Variants in PCDH9 observed in about 807,000 individuals in gnomAD.
PCDH9 encodes protocadherin-9.
PCDH9 carries 24 observed loss-of-function variants against 70.6 expected under a neutral mutation model. That is an observed-to-expected ratio of 0.34 (90% CI 0.25 to 0.48). The LOEUF is 0.48. Ranked by LOEUF, PCDH9 falls within the 20% of genes least tolerant of loss-of-function variation. PCDH9 has a pLI of 0.99. For missense variants in PCDH9, 1,281 were observed against 1,503.6 expected (o/e 0.85, Z 2.45); for synonymous variants, 562 against 558.5 (o/e 1.01, Z -0.09).
chr13:66,688,604 T>C (rs1252614981), intron 3 of PCDH9, among the ~76,000 whole-genome samples: 2 of 152,154 alleles, frequency 1.3e-5, no homozygotes, highest in Non-Finnish European at 1.5e-5. Flanking sequence ...AGAGTTACCT[T>C]CCTTTGTGAT....
chr13:66,472,764 C>T (rs1013254524), intron 4 of PCDH9, among the ~76,000 whole-genome samples: 2 of 152,006 alleles, frequency 1.3e-5, no homozygotes, highest in African/African-American at 4.8e-5. Context: ...CCAAGCCTGT[C>T]TTTATTTTAG....
intron 2 of PCDH9, among the ~76,000 whole-genome samples, chr13:67,147,263 A>T (rs959453975): frequency 6.6e-6 from 1 of 152,218 alleles, no homozygotes; most frequent in Non-Finnish European, 1.5e-5. Flanking sequence ...TCATTTTTCA[A>T]ATGAGAGATA....
intron 4 of PCDH9, among the ~76,000 whole-genome samples, chr13:66,601,161 T>C (rs1358372998): frequency 6.9e-6 from 1 of 145,900 alleles, no homozygotes; most frequent in Non-Finnish European, 1.5e-5. Flanking sequence ...CTTTAGACTA[T>C]AGCTATGGGC....
intron 4 of PCDH9, among the ~76,000 whole-genome samples, chr13:66,430,005 G>T (rs931460203): frequency 6.6e-6 from 1 of 152,046 alleles, no homozygotes; most frequent in Non-Finnish European, 1.5e-5. Context: ...AGCCAAAAGA[G>T]CTCTCTTGTA....
chr13:66,441,351 A>C (rs2138401978), intron 4 of PCDH9, among the ~76,000 whole-genome samples: 1 of 152,318 alleles, frequency 6.6e-6, no homozygotes, highest in African/African-American at 2.4e-5. Context: ...TGAAAATTTA[A>C]GAGATCTGTC....
At chr13:66,686,821 C>T (rs1031854293) in intron 3 of PCDH9, among the ~76,000 whole-genome samples, 1 of 152,012 alleles carries the variant, frequency 6.6e-6, no homozygotes, top group African/African-American at 2.4e-5. Context: ...CTGGGCAGGG[C>T]ACAGGACTAG....
chr13:66,482,224 C>G (rs891530296), intron 4 of PCDH9, among the ~76,000 whole-genome samples: 2 of 152,188 alleles, frequency 1.3e-5, no homozygotes, highest in African/African-American at 4.8e-5. Context: ...GGAGCTGGGT[C>G]TCAAAAATGT....
intron 3 of PCDH9, chr13:66,782,605 A>G (rs528797017): frequency 6.6e-6 from 1 of 152,294 alleles, no homozygotes; most frequent in East Asian, 1.9e-4. Flanking sequence ...GGCATATAAG[A>G]TTCAATTAAT....
chr13:67,226,948 C>G lies in PCDH9; in HGVS notation c.1493G>C (p.Ser498Thr), dbSNP rs2089891082. 6.2e-7 allele frequency: 1 copy of G among 1,614,070 alleles called. No homozygotes were observed. The highest frequency in any genetic ancestry group is 1.3e-5 in the African/African-American group (1 of 74,930). ...ATAAACAATGTCTGCATTTTTCCCA[C>G]TGTCTTCATCTGTGGCACTAATAGT... Reference protein sequence around the residue: ...LTTISATDEDSGKNADIVYQL... With the variant: ...LTTISATDEDTGKNADIVYQL... The change falls in exon 2 of 5, where the codon AGT becomes ACT. Residue 498 changes from serine to threonine, a missense_variant. Around this residue, in one of 4 missense-constraint regions of PCDH9, gnomAD observed 798 missense variants for 1,003.1 expected, o/e 0.80. Coordinates refer to ENST00000377865, the MANE Select transcript of PCDH9 (RefSeq NM_203487.3). This position sits in a 1 kb window ranked among gnomAD's most constrained non-coding sequence, Gnocchi z 5.0.
At chr13:66,419,405 C>T (rs796361963) in intron 4 of PCDH9, among the ~76,000 whole-genome samples, 39 of 152,016 alleles carry the variant, frequency 2.6e-4, no homozygotes, top group African/African-American at 7.5e-4. Flanking sequence ...CAGCTCCCAG[C>T]GAGACAAACC....
intron 4 of PCDH9, among the ~76,000 whole-genome samples, chr13:66,498,740 T>C (rs1284730195): frequency 6.6e-6 from 1 of 152,134 alleles, no homozygotes; most frequent in Non-Finnish European, 1.5e-5. Flanking sequence ...AATGTACTGT[T>C]GATGTGGTAT....
At chr13:66,361,356 G>A (rs1956467907) in intron 4 of PCDH9, among the ~76,000 whole-genome samples, 1 of 152,132 alleles carries the variant, frequency 6.6e-6, no homozygotes. Context: ...TGAATTAAAT[G>A]TGGGTAAATA....
chr13:67,204,689 A>T (rs2089297151), intron 2 of PCDH9: 1 of 152,188 alleles, frequency 6.6e-6, no homozygotes, highest in South Asian at 2.1e-4. Flanking sequence ...ATTATCACCA[A>T]CATCCAGAAT....
chr13:66,626,109 G>A (rs1185106887), intron 4 of PCDH9, among the ~76,000 whole-genome samples: 1 of 152,044 alleles, frequency 6.6e-6, no homozygotes, highest in East Asian at 1.9e-4. Flanking sequence ...GAGGAGTTGT[G>A]CTTTTGAGGA....
Position 66,348,554 on chromosome 13 carries a change from C to G in PCDH9, c.3341-43526G>C, listed in dbSNP as rs146959302. ...CTGGGATTACAGGCACCCGCCACCA[C>G]ACCTGGCTAATTTTCACTACAGACA... On this transcript the variant is annotated intron_variant, in intron 4 of 4. Transcript: ENST00000377865. Among the ~76,000 whole-genome samples the G allele has an allele frequency of 5.9e-4, 90 of 152,170 alleles. 1 individual carries two copies. Among genetic ancestry groups the G allele is most frequent in the African/African-American group, 2.0e-3 (84 of 41,536 alleles).
chr13:66,620,430 A>G (rs567859730), intron 4 of PCDH9, among the ~76,000 whole-genome samples: 47 of 152,298 alleles, frequency 3.1e-4, no homozygotes, highest in African/African-American at 1.1e-3. Flanking sequence ...TCTATGCCCT[A>G]CTGGCCATGA....
intron 3 of PCDH9, among the ~76,000 whole-genome samples, chr13:66,876,288 T>A (rs965707339): frequency 6.6e-6 from 1 of 152,172 alleles, no homozygotes; most frequent in African/African-American, 2.4e-5. Flanking sequence ...TGTATCTGTC[T>A]TTCTCAGCAT....
At chr13:66,738,128 C>A (rs1374883851) in intron 3 of PCDH9, among the ~76,000 whole-genome samples, 1 of 152,168 alleles carries the variant, frequency 6.6e-6, no homozygotes, top group Non-Finnish European at 1.5e-5. Flanking sequence ...GTTCTCCCAG[C>A]ACGCAGCTGG....
intron 3 of PCDH9, among the ~76,000 whole-genome samples, chr13:66,732,757 G>T (rs1166546702): frequency 6.6e-6 from 1 of 151,418 alleles, no homozygotes; most frequent in East Asian, 1.9e-4. Flanking sequence ...CATTTTTTTT[G>T]CAGATAGAAA....
Sources: allele counts gnomAD v4.1 joint callset (sites outside exome capture counted in the v4.1 genomes callset), GRCh38; gene constraint gnomAD v4.1.1; regional missense constraint gnomAD v4.1.1; non-coding constraint Gnocchi (gnomAD v3.1); transcripts MANE v1.5; gene names NCBI Gene and HGNC (gene_info 2026-07-23, HGNC 2026-07-21).